Variants in PPP1R14C observed in about 807,000 individuals in gnomAD.
PPP1R14C encodes the protein protein phosphatase 1 regulatory inhibitor subunit 14C.
Under a neutral mutation model 20.4 loss-of-function variants are expected in PPP1R14C, and 16 were observed. That is an observed-to-expected ratio of 0.78 (90% CI 0.53 to 1.19). The LOEUF is 1.19. Ranked by LOEUF, PPP1R14C falls within the 50% of genes most tolerant of loss-of-function variation. PPP1R14C has a pLI of 0.00. For missense variants in PPP1R14C, 211 were observed against 220.1 expected, an observed-to-expected ratio of 0.96 and a Z score of 0.26; for synonymous variants, 91 against 91.0, an observed-to-expected ratio of 1.00 and a Z score of 0.00.
chr6:150,190,087 G>A (rs1777724122), intron 1 of PPP1R14C, among the ~76,000 whole-genome samples: 1 of 152,206 alleles, frequency 6.6e-6, no homozygotes, highest in Middle Eastern at 3.4e-3. Context: ...GCCTGACCCA[G>A]GGCAAACCAT....
chr6:150,157,648 G>GAGAA (rs1328103495), intron 1 of PPP1R14C, among the ~76,000 whole-genome samples: 1 of 151,756 alleles, frequency 6.6e-6, no homozygotes, highest in Non-Finnish European at 1.5e-5. Flanking sequence ...GGCTTCTAGG[G>GAGAA]AGAATCTCAT....
In PPP1R14C at chr6:150,152,145, A is replaced by AT. The variant is rs753291648; in HGVS notation, c.306+8647_306+8648insT. On this transcript the variant is annotated intron_variant, in intron 1 of 3. Transcript: ENST00000361131. ...AAAAAAAAAAAAAAAAAAAAAAAAAAAAGAAGTGCTGATTGCAAACCTTGT... is the reference window on the plus strand; with the variant it reads ...AAAAAAAAAAAAAAAAAAAAAAAAAATAAGAAGTGCTGATTGCAAACCTTGT... Among the ~76,000 whole-genome samples the AT allele has an allele frequency of 3.5e-3, 270 of 77,276 alleles. 5 individuals carry two copies. The highest frequency in any genetic ancestry group is 0.01 in the Admixed American group (71 of 7,020). The allele number at this position is 77,276 out of a possible 152,430, so 50.7% of individuals were successfully genotyped here.
intron 1 of PPP1R14C, among the ~76,000 whole-genome samples, chr6:150,190,000 G>A (rs776539757): frequency 1.3e-5 from 2 of 152,106 alleles, no homozygotes; most frequent in Non-Finnish European, 2.9e-5. Context: ...GCTTTCTTAG[G>A]TGCGTAGCCT....
Position 150,240,065 on chromosome 6 carries a change from A to AT in PPP1R14C, c.424-8680dup, listed in dbSNP as rs534630909. Among the ~76,000 whole-genome samples the AT allele has an allele frequency of 7.9e-5, 12 of 152,252 alleles. No homozygotes were observed. The South Asian group carries it at 1.5e-3, about 18-fold the overall frequency. On this transcript the variant is annotated intron_variant, in intron 3 of 3. Transcript: ENST00000361131. Reference sequence around the variant, plus strand: ...TGAGACTCCATCTCAAAAAAAGAAGATAAAAAAAAGAAAACCAATAAAGAA... The same window carrying AT: ...TGAGACTCCATCTCAAAAAAAGAAGATTAAAAAAAAGAAAACCAATAAAGAA...
intron 1 of PPP1R14C, among the ~76,000 whole-genome samples, chr6:150,168,523 AC>A (rs1777461148): frequency 6.7e-6 from 1 of 148,896 alleles, no homozygotes; most frequent in Non-Finnish European, 1.5e-5. Context: ...AAAGAGCGAG[AC>A]TCCCGTCTCA....
intron 3 of PPP1R14C, among the ~76,000 whole-genome samples, chr6:150,242,697 C>A (rs970855784): frequency 1.3e-4 from 20 of 152,188 alleles, no homozygotes; most frequent in Non-Finnish European, 1.0e-4. Context: ...AGTATTGCAG[C>A]TTTTAGCCAG....
intron 1 of PPP1R14C, among the ~76,000 whole-genome samples, chr6:150,179,182 C>T (rs11960980): frequency 0.019 from 2,911 of 152,110 alleles, 94 homozygotes; most frequent in African/African-American, 0.066. Context: ...AAGCTAGGGG[C>T]GCTGCTTGAG....
At chr6:150,174,418 G>GTGT (rs1554218399) in intron 1 of PPP1R14C, among the ~76,000 whole-genome samples, 16 of 151,442 alleles carry the variant, frequency 1.1e-4, no homozygotes, top group South Asian at 4.2e-4. Flanking sequence ...GGGTTTCACC[G>GTGT]TGTTAGCCAG....
chr6:150,233,637 C>G (rs1167211374), intron 3 of PPP1R14C, among the ~76,000 whole-genome samples: 1 of 152,210 alleles, frequency 6.6e-6, no homozygotes, highest in Non-Finnish European at 1.5e-5. Context: ...GGAGCGCCCC[C>G]CTCCCATCAC....
Position 150,143,444 on chromosome 6 carries a change from G to T in PPP1R14C, c.252G>T (p.Arg84=), listed in dbSNP as rs937864599. 1.7e-5 allele frequency: 28 copies of T among 1,611,296 alleles called. No homozygotes were observed. Among genetic ancestry groups the T allele is most frequent in the Non-Finnish European group, 2.3e-5 (27 of 1,178,992 alleles). ...ACGATCGTAAGGAGCTTCGGAAGCG[G>T]CTGGTGCTGGAGGAATGGATCGTGG... ...VKYDRKELRK[R]LVLEEWIVEQ... The change falls in exon 1 of 4, where the codon CGG becomes CGT. Residue 84 remains arginine, a synonymous_variant. Transcript: ENST00000361131. The surrounding 1 kb of genome is among the most constrained non-coding windows in gnomAD (Gnocchi z 5.6).
chr6:150,188,394 A>G (rs990209694), intron 1 of PPP1R14C, among the ~76,000 whole-genome samples: 1 of 152,218 alleles, frequency 6.6e-6, no homozygotes, highest in Non-Finnish European at 1.5e-5. Flanking sequence ...GAATTTTAAA[A>G]AGACCCTTCT....
At chr6:150,236,311 A>G (rs779426185) in intron 3 of PPP1R14C, among the ~76,000 whole-genome samples, 5 of 150,782 alleles carry the variant, frequency 3.3e-5, no homozygotes, top group Admixed American at 2.0e-4. Flanking sequence ...ACAGATACTC[A>G]GTACCCGCGA....
intron 1 of PPP1R14C, among the ~76,000 whole-genome samples, chr6:150,190,932 A>G (rs1306692808): frequency 3.3e-5 from 5 of 152,116 alleles, no homozygotes; most frequent in Admixed American, 2.0e-4. Flanking sequence ...ATATAAGTCA[A>G]ATGGTGTACA....
rs772510477 is a variant in PPP1R14C, at chr6:150,216,812, G to A, written c.391-12G>A. The A allele has an allele frequency of 1.3e-6, 2 of 1,572,798 alleles. No individual in the cohort carries two copies. Among genetic ancestry groups the A allele is most frequent in the South Asian group, 1.2e-5 (1 of 84,518 alleles). On this transcript the variant is annotated splice_polypyrimidine_tract_variant and intron_variant, in intron 2 of 3. Coordinates refer to ENST00000361131, the MANE Select transcript of PPP1R14C (RefSeq NM_030949.3). ...AAATAATAAAACTGATTTTCTGTGT[G>A]TTTAATTCTAGGAAGCTCTTGTAGA...
At chr6:150,149,446 TTTTTTTTTC>T (rs1436224199) in intron 1 of PPP1R14C, among the ~76,000 whole-genome samples, 8,589 of 63,872 alleles carry the variant, frequency 0.13, 236 homozygotes, top group East Asian at 0.39. Context: ...CCACCTAATT[TTTTTTTTTC>T]TTTTTTTTTT....
intron 1 of PPP1R14C, among the ~76,000 whole-genome samples, chr6:150,210,848 A>G (rs1045078073): frequency 1.3e-5 from 2 of 151,812 alleles, no homozygotes; most frequent in African/African-American, 2.4e-5. Context: ...TCCTCACTCT[A>G]CTGTATAGCC....
At chr6:150,197,793 A>G (rs113653421) in intron 1 of PPP1R14C, among the ~76,000 whole-genome samples, 162 of 136,050 alleles carry the variant, frequency 1.2e-3, no homozygotes, top group African/African-American at 3.7e-3. Context: ...GAGGGCCTGG[A>G]TGCCCGGCTT....
intron 3 of PPP1R14C, among the ~76,000 whole-genome samples, chr6:150,217,102 C>A (rs909619728): frequency 6.6e-6 from 1 of 151,706 alleles, no homozygotes. Context: ...AAAAGCCAAA[C>A]TTCAAAGGAA....
At chr6:150,233,417 A>G (rs569435896) in intron 3 of PPP1R14C, among the ~76,000 whole-genome samples, 105 of 152,376 alleles carry the variant, frequency 6.9e-4, no homozygotes, top group Non-Finnish European at 1.3e-3. Context: ...TCTGGTCTCA[A>G]AAACATTTCC....
Sources: gnomAD v4.1 joint callset for allele counts (sites outside exome capture counted in the v4.1 genomes callset) on GRCh38, gnomAD v4.1.1 for gene constraint, Gnocchi (gnomAD v3.1) non-coding constraint, MANE v1.5 for transcripts, NCBI Gene and HGNC (gene_info 2026-07-23, HGNC 2026-07-21) for gene names.